The following CFAP300 variants were observed in gnomAD, a reference collection of about 807,000 sequenced individuals.
CFAP300 encodes the protein cilia and flagella associated protein 300, also known as cilia- and flagella-associated protein 300.
A neutral mutation model predicts 33.0 loss-of-function variants in CFAP300; 32 were observed. The ratio of observed to expected loss-of-function variants is 0.97; its 90% confidence interval spans 0.73 to 1.30. The LOEUF is 1.30. CFAP300 is among the 50% of genes most tolerant of loss of function. The pLI is 0.00. For synonymous variants in CFAP300, 102 were observed against 106.8 expected, an observed-to-expected ratio of 0.95 and a Z score of 0.28; for missense variants, 356 against 318.1, an observed-to-expected ratio of 1.12 and a Z score of -0.90.
At chr11:102,054,461 G>A (rs543361954) in intron 2 of CFAP300, among the ~76,000 whole-genome samples, 96 of 152,166 alleles carry the variant, frequency 6.3e-4, no homozygotes, top group African/African-American at 2.1e-3. Flanking sequence ...GGCTGGGCTC[G>A]GTGGTGCACG....
chr11:102,069,180 C>T (rs1346970723), intron 4 of CFAP300, among the ~76,000 whole-genome samples: 2 of 152,198 alleles, frequency 1.3e-5, no homozygotes, highest in Non-Finnish European at 2.9e-5. Flanking sequence ...GCCTGTATGG[C>T]TTGCTCTTGG....
At chr11:102,056,674 A>C (rs1166712548) in intron 2 of CFAP300, among the ~76,000 whole-genome samples, 1 of 151,998 alleles carries the variant, frequency 6.6e-6, no homozygotes, top group Non-Finnish European at 1.5e-5. Context: ...CCTAGGCTGG[A>C]GTGCAGTGAC....
chr11:102,076,118 T>A, intron 5 of CFAP300, 73 bp downstream of exon 5: 2 of 1,475,574 alleles, frequency 1.4e-6, no homozygotes, highest in South Asian at 3.0e-5. Flanking sequence ...TTGATGGAAT[T>A]ACACAACATC....
At chr11:102,049,577 G>T (rs1299311046) in intron 2 of CFAP300, among the ~76,000 whole-genome samples, 2 of 151,990 alleles carry the variant, frequency 1.3e-5, no homozygotes, top group Non-Finnish European at 2.9e-5. Context: ...TACTGATAAT[G>T]ACATTAATAA....
At chr11:102,048,375 C>T (rs913386214) in intron 2 of CFAP300, among the ~76,000 whole-genome samples, 2 of 150,578 alleles carry the variant, frequency 1.3e-5, no homozygotes, top group Non-Finnish European at 2.9e-5. Context: ...CAGGCCACCA[C>T]GTCCAGCTAA....
intron 3 of CFAP300, among the ~76,000 whole-genome samples, chr11:102,062,273 A>T (rs1434822273): frequency 6.6e-6 from 1 of 152,212 alleles, no homozygotes; most frequent in African/African-American, 2.4e-5. Flanking sequence ...AGCCACCCAG[A>T]CTATGGCATT....
chr11:102,055,269 G>A (rs1021999045), intron 2 of CFAP300, among the ~76,000 whole-genome samples: 11 of 151,202 alleles, frequency 7.3e-5, no homozygotes, highest in Admixed American at 4.6e-4. Context: ...GTGAGTCACC[G>A]CACCCGGCCT....
At chr11:102,071,467 T>G (rs932308400) in intron 4 of CFAP300, among the ~76,000 whole-genome samples, 1 of 152,334 alleles carries the variant, frequency 6.6e-6, no homozygotes, top group African/African-American at 2.4e-5. Context: ...GAGGACATAC[T>G]TCTGTCATTT....
chr11:102,067,252 C>T (rs1248847033), intron 4 of CFAP300, among the ~76,000 whole-genome samples: 1 of 152,154 alleles, frequency 6.6e-6, no homozygotes, highest in African/African-American at 2.4e-5. Flanking sequence ...GTCCCAGCTG[C>T]TCGGAAGGCT....
At chr11:102,058,526 T>A (rs976598365) in intron 2 of CFAP300, among the ~76,000 whole-genome samples, 3 of 149,316 alleles carry the variant, frequency 2.0e-5, no homozygotes, top group African/African-American at 7.4e-5. Context: ...AAATTGACAG[T>A]TACTTTTGGA....
rs199754694 is a variant in CFAP300, at chr11:102,083,149, C to T, written c.754C>T (p.Arg252Cys). The change falls in exon 7 of 7, where the codon CGT becomes TGT. Residue 252 changes from arginine (R) to cysteine (C), a missense_variant. Physicochemically the swap from Arg to Cys is radical, Grantham distance 180. Coordinates refer to ENST00000434758, the MANE Select transcript of CFAP300 (RefSeq NM_032930.3). ...FSYFIVDPIRRHLHVLYHCYG... is the reference protein window; with the variant it reads ...FSYFIVDPIRCHLHVLYHCYG... ...TTACTTTATTGTGGATCCTATCAGG[C>T]GTCACCTTCATGTTTTATACCACTG... The T allele has an allele frequency of 4.3e-4, 680 of 1,565,560 alleles. 6 individuals carry two copies. Among genetic ancestry groups the T allele is most frequent in the Middle Eastern group, 3.4e-4 (2 of 5,870 alleles).
chr11:102,051,085 A>G (rs1307269804), intron 2 of CFAP300, among the ~76,000 whole-genome samples: 2 of 152,186 alleles, frequency 1.3e-5, no homozygotes, highest in South Asian at 2.1e-4. Context: ...GGGGACATGT[A>G]GGATGACTCC....
intron 6 of CFAP300, 92 bp from the exon 7 acceptor site, chr11:102,082,979 G>T (rs532965580): frequency 2.7e-5 from 18 of 674,266 alleles, no homozygotes; most frequent in Middle Eastern, 1.4e-3. Flanking sequence ...CCTGGGCGAC[G>T]GAGCAAGACT....
At chr11:102,068,751 C>T (rs999927683) in intron 4 of CFAP300, among the ~76,000 whole-genome samples, 12 of 152,170 alleles carry the variant, frequency 7.9e-5, no homozygotes, top group Admixed American at 7.9e-4. Flanking sequence ...CACACCACTG[C>T]ATTCCAGCCT....
intron 4 of CFAP300, among the ~76,000 whole-genome samples, chr11:102,073,591 G>A (rs913145585): frequency 3.3e-5 from 5 of 152,210 alleles, no homozygotes; most frequent in Non-Finnish European, 7.3e-5. Flanking sequence ...GCAATGAGTG[G>A]AGAAAGCTCA....
At position 102,066,632 on chromosome 11, in the gene CFAP300, T is replaced by C. The variant is rs764897992; in HGVS notation, c.416T>C (p.Ile139Thr). Reference sequence around the variant, plus strand: ...GATTCTTTTTGTGATCCATTTCTCATTTCTGATGAGTTACGAAGAGTAAGT... The same window carrying C: ...GATTCTTTTTGTGATCCATTTCTCACTTCTGATGAGTTACGAAGAGTAAGT... ...CLDSFCDPFL[I>T]SDELRRVLLV... Residue 139 changes from isoleucine (I) to threonine (T), a missense_variant, in exon 4 of 7, where the codon ATT becomes ACT. Physicochemically the swap from Ile to Thr is moderately conservative, Grantham distance 89. Transcript: ENST00000434758. 2.4e-5 allele frequency: 39 copies of C among 1,607,094 alleles called. No individual in the cohort carries two copies. The highest frequency in any genetic ancestry group is 1.7e-4 in the Middle Eastern group (1 of 5,834).
chr11:102,083,080 G>T lies in CFAP300; in HGVS notation c.685G>T (p.Gly229Cys). Reference protein sequence around the residue: ...VFKVSAYDSAGMCYPSAKNHE... With the variant: ...VFKVSAYDSACMCYPSAKNHE... ...GGTTTGTCTTTTTCAGGATTCTGCT[G>T]GTATGTGCTATCCTTCAGCAAAGAA... is the stretch of plus-strand genomic sequence containing the variant. The change falls in exon 7 of 7, where the codon GGT becomes TGT. Residue 229 changes from glycine to cysteine, a missense_variant. Transcript: ENST00000434758. 1 of 1,457,626 alleles carries T rather than the reference G, an allele frequency of 6.9e-7. No individual in the cohort carries two copies. Among genetic ancestry groups the T allele is most frequent in the Non-Finnish European group, 9.1e-7 (1 of 1,100,654 alleles). The allele number at this position is 1,457,626 out of a possible 1,614,324, so 90.3% of individuals were successfully genotyped here.
chr11:102,080,985 C>T (rs1942465407), intron 5 of CFAP300, among the ~76,000 whole-genome samples: 1 of 152,148 alleles, frequency 6.6e-6, no homozygotes. Flanking sequence ...CTCAGACTGA[C>T]CTTAAACCTT....
At chr11:102,058,229 C>A (rs1942088066) in intron 2 of CFAP300, among the ~76,000 whole-genome samples, 1 of 152,004 alleles carries the variant, frequency 6.6e-6, no homozygotes, top group South Asian at 2.1e-4. Flanking sequence ...TTTTCTTCTG[C>A]CTTTTCAGCT....
Sources: allele counts gnomAD v4.1 joint callset (sites outside exome capture counted in the v4.1 genomes callset), GRCh38; gene constraint gnomAD v4.1.1; transcripts MANE v1.5; gene names NCBI Gene and HGNC (gene_info 2026-07-23, HGNC 2026-07-21).